The following GALNTL6 variants were observed in gnomAD, a reference collection of about 807,000 sequenced individuals.
The protein encoded by GALNTL6 is polypeptide N-acetylgalactosaminyltransferase-like 6.
Under a neutral mutation model 73.7 loss-of-function variants are expected in GALNTL6, and 46 were observed. The ratio of observed to expected loss-of-function variants is 0.62; its 90% CI spans 0.49 to 0.80. The LOEUF is 0.80. Among genes scored for constraint, GALNTL6 ranks in the 30% least tolerant of loss-of-function variants. The pLI is 0.00. For synonymous variants in GALNTL6, 259 were observed against 263.7 expected (o/e 0.98, Z 0.17); for missense variants, 604 against 755.0 (o/e 0.80, Z 2.34).
chr4:172,240,573 T>G (rs1204879080), intron 3 of GALNTL6, among the ~76,000 whole-genome samples: 1 of 152,166 alleles, frequency 6.6e-6, no homozygotes, highest in Non-Finnish European at 1.5e-5. Flanking sequence ...TACTTTTGTC[T>G]GACTAAATTA....
At position 173,040,996 on chromosome 4, in the gene GALNTL6, C is replaced by G. The variant is rs1453531810; in HGVS notation, c.*896C>G. On this transcript the variant is annotated 3_prime_UTR_variant, in exon 13 of 13. Coordinates refer to ENST00000506823, the MANE Select transcript of GALNTL6 (RefSeq NM_001034845.3). ...AAATCTTAAAAGTCTGATATTTGTC[C>G]AGTCATAATTTTTATTAAGCAAGGA... 1 of 152,144 alleles carries G rather than the reference C, an allele frequency of 6.6e-6. No individual in the cohort carries two copies. Among genetic ancestry groups the G allele is most frequent in the African/African-American group, 2.4e-5 (1 of 41,388 alleles). 9.4% of individuals were successfully genotyped at this position (152,144 alleles called of 1,614,324 possible). A position where few individuals can be genotyped will look rare whatever the true frequency, so the allele number is the denominator to read the frequency against.
chr4:171,911,216 T>C (rs1017619597), intron 2 of GALNTL6, among the ~76,000 whole-genome samples: 2 of 152,120 alleles, frequency 1.3e-5, no homozygotes, highest in African/African-American at 2.4e-5. Context: ...CTGGAGTGCA[T>C]TGGCACGATC....
At chr4:172,324,589 A>C (rs1339667947) in intron 4 of GALNTL6, among the ~76,000 whole-genome samples, 1 of 151,286 alleles carries the variant, frequency 6.6e-6, no homozygotes, top group African/African-American at 2.4e-5. Context: ...ATTTATATTT[A>C]TTTATATTTA....
At chr4:172,804,875 TTTG>T (rs1242837691) in intron 5 of GALNTL6, among the ~76,000 whole-genome samples, 5 of 152,180 alleles carry the variant, frequency 3.3e-5, no homozygotes, top group Non-Finnish European at 7.3e-5. Context: ...TGCCCTTGAG[TTTG>T]TTTTTTGACT....
At chr4:172,043,266 A>T (rs915577860) in intron 2 of GALNTL6, among the ~76,000 whole-genome samples, 3 of 152,002 alleles carry the variant, frequency 2.0e-5, no homozygotes, top group Non-Finnish European at 4.4e-5. Context: ...TTCTTCATAA[A>T]GTTCATATAA....
chr4:172,196,692 C>A (rs1735783433), intron 2 of GALNTL6, among the ~76,000 whole-genome samples: 1 of 152,154 alleles, frequency 6.6e-6, no homozygotes, highest in Admixed American at 6.5e-5. Flanking sequence ...AAAGACAAAA[C>A]CACATCATTA....
intron 5 of GALNTL6, among the ~76,000 whole-genome samples, chr4:172,414,826 TTTG>T (rs747718867): frequency 2.2e-4 from 34 of 152,308 alleles, no homozygotes; most frequent in East Asian, 9.6e-4. Context: ...TTGAAAGGGT[TTTG>T]TTGTTGTTGT....
At chr4:172,323,659 C>G (rs1740835862) in intron 4 of GALNTL6, among the ~76,000 whole-genome samples, 1 of 152,048 alleles carries the variant, frequency 6.6e-6, no homozygotes, top group African/African-American at 2.4e-5. Context: ...GGTTTGCTAA[C>G]TATAATATTA....
intron 2 of GALNTL6, among the ~76,000 whole-genome samples, chr4:172,088,289 T>A (rs1732107045): frequency 6.6e-6 from 1 of 152,212 alleles, no homozygotes; most frequent in Non-Finnish European, 1.5e-5. Flanking sequence ...CTAAGATTAT[T>A]AGCCCTCTTC....
intron 2 of GALNTL6, among the ~76,000 whole-genome samples, chr4:171,992,232 G>A (rs1271598151): frequency 6.6e-6 from 1 of 151,878 alleles, no homozygotes. Context: ...GCTGACAAAA[G>A]AACTGATCTA....
chr4:172,407,692 G>T (rs572596538), intron 5 of GALNTL6, among the ~76,000 whole-genome samples: 20 of 152,140 alleles, frequency 1.3e-4, no homozygotes, highest in African/African-American at 4.3e-4. Flanking sequence ...AAGGTCCATT[G>T]AGTTTGTGGG....
chr4:172,804,623 G>A (rs572716762), intron 5 of GALNTL6, among the ~76,000 whole-genome samples: 1 of 152,330 alleles, frequency 6.6e-6, no homozygotes, highest in African/African-American at 2.4e-5. Flanking sequence ...CTTCCACTTA[G>A]CAATGTCCTG....
chr4:172,842,660 T>G (rs1743274342), intron 7 of GALNTL6, among the ~76,000 whole-genome samples: 1 of 151,792 alleles, frequency 6.6e-6, no homozygotes, highest in Admixed American at 6.6e-5. Context: ...AGTAATTGAT[T>G]AAATTCAGCA....
chr4:172,282,666 C>CAAAAAAAAAAAA (rs202167171), intron 3 of GALNTL6, among the ~76,000 whole-genome samples: 1 of 123,536 alleles, frequency 8.1e-6, no homozygotes. Context: ...TGAAATGGGG[C>CAAAAAAAAAAAA]AAAAAAAAAA....
At chr4:172,694,311 C>T (rs923631617) in intron 5 of GALNTL6, among the ~76,000 whole-genome samples, 4 of 151,878 alleles carry the variant, frequency 2.6e-5, no homozygotes, top group African/African-American at 9.7e-5. Flanking sequence ...AATACCCCAA[C>T]AGGCCCCAGT....
chr4:172,282,636 G>C lies in GALNTL6; in HGVS notation c.248-28978G>C, dbSNP rs563486778. ...TGTAAGTGCAATGGAAAGACACATT[G>C]TTATGTGTGGAGAATGAGTTGAAAT... On this transcript the variant is annotated intron_variant, in intron 3 of 12. Coordinates refer to ENST00000506823, the MANE Select transcript of GALNTL6 (RefSeq NM_001034845.3). Among the ~76,000 whole-genome samples the C allele has an allele frequency of 1.3e-4, 18 of 142,266 alleles. 1 individual carries two copies. Among genetic ancestry groups the C allele is most frequent in the African/African-American group, 4.6e-4 (17 of 37,128 alleles). 93.3% of individuals were successfully genotyped at this position (142,266 alleles called of 152,430 possible). A position where few individuals can be genotyped will look rare whatever the true frequency, so the allele number is the denominator to read the frequency against.
At chr4:172,367,663 A>G (rs1742617615) in intron 5 of GALNTL6, among the ~76,000 whole-genome samples, 1 of 152,212 alleles carries the variant, frequency 6.6e-6, no homozygotes, top group Non-Finnish European at 1.5e-5. Context: ...TCTGTCATCT[A>G]TCAGAAATTA....
At chr4:172,488,180 C>T (rs1452654004) in intron 5 of GALNTL6, among the ~76,000 whole-genome samples, 1 of 152,118 alleles carries the variant, frequency 6.6e-6, no homozygotes, top group African/African-American at 2.4e-5. Flanking sequence ...AGCAAATGAA[C>T]TCATTGTGCC....
At chr4:171,825,798 T>C (rs1251117298) in intron 2 of GALNTL6, among the ~76,000 whole-genome samples, 4 of 152,174 alleles carry the variant, frequency 2.6e-5, no homozygotes, top group African/African-American at 7.2e-5. Context: ...GATGAATAGA[T>C]GAAAGATGAG....
Sources: allele counts gnomAD v4.1 joint callset (sites outside exome capture counted in the v4.1 genomes callset), GRCh38; gene constraint gnomAD v4.1.1; transcripts MANE v1.5; gene names NCBI Gene and HGNC (gene_info 2026-07-23, HGNC 2026-07-21).